FAM110B: variants seen among roughly 807,000 people sequenced by gnomAD.
FAM110B encodes the protein protein FAM110B.
Under a neutral mutation model 20.4 loss-of-function variants are expected in FAM110B, and 6 were observed. The ratio of observed to expected loss-of-function variants is 0.29; its 90% CI spans 0.16 to 0.58. The LOEUF (loss-of-function observed/expected upper bound fraction) is 0.58. FAM110B is among the 20% of genes least tolerant of loss of function. The pLI is 0.90. For synonymous variants in FAM110B, 226 were observed against 214.1 expected (o/e 1.06, Z -0.49); for missense variants, 434 against 498.2 (o/e 0.87, Z 1.23).
At chr8:58,078,871 G>C (rs887213329) in intron 3 of FAM110B, among the ~76,000 whole-genome samples, 8 of 151,964 alleles carry the variant, frequency 5.3e-5, no homozygotes, top group Non-Finnish European at 1.2e-4. Context: ...TTTTTAATAT[G>C]GTGCGTGCTA....
At chr8:58,089,197 C>G (rs1310045153) in intron 3 of FAM110B, among the ~76,000 whole-genome samples, 1 of 152,230 alleles carries the variant, frequency 6.6e-6, no homozygotes, top group African/African-American at 2.4e-5. Flanking sequence ...TATTTCTTCA[C>G]TTGAAGGTCA....
intron 3 of FAM110B, among the ~76,000 whole-genome samples, chr8:58,089,309 T>C (rs1429175894): frequency 6.6e-6 from 1 of 152,238 alleles, no homozygotes; most frequent in Admixed American, 6.5e-5. Flanking sequence ...TTGATGCTTC[T>C]ATTTCACTGC....
intron 2 of FAM110B, among the ~76,000 whole-genome samples, chr8:58,049,389 T>A (rs1018027904): frequency 1.3e-5 from 2 of 152,186 alleles, no homozygotes; most frequent in Non-Finnish European, 2.9e-5. Context: ...CAAATATTTC[T>A]TGAAAAGCTA....
chr8:58,136,292 G>A (rs1409763575), intron 3 of FAM110B, among the ~76,000 whole-genome samples: 3 of 152,092 alleles, frequency 2.0e-5, no homozygotes, highest in Non-Finnish European at 4.4e-5. Flanking sequence ...TTATAGGCGT[G>A]AGCCACCGTG....
intron 3 of FAM110B, among the ~76,000 whole-genome samples, chr8:58,101,180 A>G (rs1585887040): frequency 6.6e-6 from 1 of 152,168 alleles, no homozygotes; most frequent in East Asian, 1.9e-4. Context: ...CCGTCTCAAA[A>G]AAAAAAAAAA....
chr8:58,083,723 C>T (rs1016892740), intron 3 of FAM110B, among the ~76,000 whole-genome samples: 1 of 152,192 alleles, frequency 6.6e-6, no homozygotes, highest in Non-Finnish European at 1.5e-5. Flanking sequence ...TTAATTCTCT[C>T]ATCATTTGCT....
chr8:58,085,748 G>C (rs1806317420), intron 3 of FAM110B, among the ~76,000 whole-genome samples: 1 of 152,144 alleles, frequency 6.6e-6, no homozygotes, highest in Non-Finnish European at 1.5e-5. Context: ...ACCCCCCACA[G>C]ATGACCCTGT....
chr8:58,035,821 G>A (rs1174088286), intron 2 of FAM110B, among the ~76,000 whole-genome samples: 1 of 152,188 alleles, frequency 6.6e-6, no homozygotes, highest in Admixed American at 6.5e-5. Context: ...TCTATGCTAA[G>A]TTTAGGATGC....
intron 1 of FAM110B, among the ~76,000 whole-genome samples, chr8:58,004,616 G>A (rs1396230688): frequency 4.6e-5 from 7 of 152,180 alleles, no homozygotes; most frequent in Admixed American, 1.3e-4. Flanking sequence ...CTGGTTGTGC[G>A]TGCCTGTAGT....
At chr8:58,035,551 G>A (rs1473708189) in intron 2 of FAM110B, among the ~76,000 whole-genome samples, 1 of 152,192 alleles carries the variant, frequency 6.6e-6, no homozygotes, top group Non-Finnish European at 1.5e-5. Flanking sequence ...AAGTGAATGT[G>A]TCTGAGCCCT....
At chr8:58,012,886 G>A (rs971119078) in intron 1 of FAM110B, among the ~76,000 whole-genome samples, 4 of 152,300 alleles carry the variant, frequency 2.6e-5, no homozygotes, top group Middle Eastern at 3.4e-3. Context: ...TCCCCAGTCT[G>A]TTCTTCCCTT....
intron 3 of FAM110B, among the ~76,000 whole-genome samples, chr8:58,094,009 G>A (rs546630247): frequency 1.9e-4 from 29 of 152,056 alleles, no homozygotes; most frequent in African/African-American, 5.3e-4. Flanking sequence ...TCTTTATAGC[G>A]ATTGTGAATG....
At chr8:58,014,710 TTAATC>T (rs1053789621) in intron 1 of FAM110B, among the ~76,000 whole-genome samples, 3 of 152,242 alleles carry the variant, frequency 2.0e-5, no homozygotes, top group Non-Finnish European at 4.4e-5. Flanking sequence ...GCATTTTTCT[TTAATC>T]TGTGTAGATT....
intron 2 of FAM110B, among the ~76,000 whole-genome samples, chr8:58,054,125 G>C (rs1249145779): frequency 6.6e-6 from 1 of 152,210 alleles, no homozygotes; most frequent in Non-Finnish European, 1.5e-5. Context: ...TGACACAAGA[G>C]TAGATGACAG....
At chr8:58,131,139 C>G (rs1266031425) in intron 3 of FAM110B, among the ~76,000 whole-genome samples, 1 of 152,220 alleles carries the variant, frequency 6.6e-6, no homozygotes, top group Non-Finnish European at 1.5e-5. Context: ...ATATAACCGC[C>G]TGACACCTAT....
intron 1 of FAM110B, among the ~76,000 whole-genome samples, chr8:58,011,350 A>G (rs753915335): frequency 7.2e-5 from 11 of 152,150 alleles, no homozygotes; most frequent in African/African-American, 1.2e-4. Flanking sequence ...CTGACTGGAT[A>G]GAGCGCTGGC....
At chr8:58,046,581 A>G (rs1374157451) in intron 2 of FAM110B, among the ~76,000 whole-genome samples, 3 of 152,234 alleles carry the variant, frequency 2.0e-5, no homozygotes, top group Non-Finnish European at 4.4e-5. Context: ...AGAAAACCTT[A>G]GTTAGATGTA....
intron 3 of FAM110B, among the ~76,000 whole-genome samples, chr8:58,120,271 T>A (rs1410606217): frequency 1.3e-5 from 2 of 152,228 alleles, no homozygotes; most frequent in East Asian, 3.9e-4. Flanking sequence ...GTTTTTCATC[T>A]TCCTGATCTA....
At chr8:58,018,250 T>C (rs1804677360) in intron 1 of FAM110B, among the ~76,000 whole-genome samples, 1 of 152,184 alleles carries the variant, frequency 6.6e-6, no homozygotes. Flanking sequence ...ATATAAACTT[T>C]TATTTCATTT....
Sources: gnomAD v4.1 joint callset for allele counts (sites outside exome capture counted in the v4.1 genomes callset) on GRCh38, gnomAD v4.1.1 for gene constraint, MANE v1.5 for transcripts, NCBI Gene and HGNC (gene_info 2026-07-23, HGNC 2026-07-21) for gene names.